The following GAPVD1 variants were observed in gnomAD, a reference collection of about 807,000 sequenced individuals.
The protein encoded by GAPVD1 is GTPase activating protein and VPS9 domains 1.
Under a neutral mutation model 155.5 loss-of-function variants are expected in GAPVD1, and 35 were observed. The observed-to-expected ratio is 0.23, with a 90% CI of 0.17 to 0.30. GAPVD1 has a LOEUF of 0.30. GAPVD1 is among the 10% of genes least tolerant of loss of function. The pLI, the probability that GAPVD1 is intolerant of heterozygous loss-of-function variation, is 1.00. For missense variants in GAPVD1, 1,429 were observed against 1,775.7 expected (o/e 0.80, Z 3.51); for synonymous variants, 636 against 619.7 (o/e 1.03, Z -0.39).
intron 2 of GAPVD1, among the ~76,000 whole-genome samples, chr9:125,269,259 G>A (rs763373462): frequency 6.6e-6 from 1 of 151,876 alleles, no homozygotes; most frequent in African/African-American, 2.4e-5. Context: ...GGACAGACTA[G>A]TACTTGAAAA....
intron 5 of GAPVD1, 103 bp from the exon 6 acceptor site, chr9:125,304,960 A>AAACAGATTTTTAG: frequency 1.4e-6 from 1 of 733,068 alleles, no homozygotes; most frequent in South Asian, 1.8e-5. Context: ...TAGTATTATG[A>AAACAGATTTTTAG]AACAGATTTT....
chr9:125,281,970 G>A (rs1205612182), intron 2 of GAPVD1, among the ~76,000 whole-genome samples: 1 of 151,910 alleles, frequency 6.6e-6, no homozygotes, highest in Non-Finnish European at 1.5e-5. Context: ...ATAGGCACCT[G>A]CCGCTACACC....
Position 125,261,888 on chromosome 9 carries a change from T to G in GAPVD1, c.-270T>G, listed in dbSNP as rs1049942544. 9 of 154,232 alleles carry G rather than the reference T, an allele frequency of 5.8e-5. No homozygotes were observed. The Admixed American group carries it at 5.9e-4, about 10-fold the overall frequency. The allele number at this position is 154,232 out of a possible 1,614,324, so 9.6% of individuals were successfully genotyped here. A position where few individuals can be genotyped will look rare whatever the true frequency, so the allele number is the denominator to read the frequency against. On this transcript the variant is annotated 5_prime_UTR_variant, in exon 1 of 28. Transcript: ENST00000297933. ...AGCGGCGGCGGGGGCAGTCACCGGC[T>G]AGGGCGACGGCTCCGAGGCCGAGTG...
chr9:125,335,267 A>T (rs767541417), intron 15 of GAPVD1: 6 of 688,124 alleles, frequency 8.7e-6, no homozygotes, highest in African/African-American at 1.8e-5. Context: ...GCTGTACATT[A>T]AAAATACTTG....
At chr9:125,292,083 A>G (rs746882024) in intron 2 of GAPVD1, among the ~76,000 whole-genome samples, 1 of 152,078 alleles carries the variant, frequency 6.6e-6, no homozygotes, top group Non-Finnish European at 1.5e-5. Flanking sequence ...ACAAAAAGCA[A>G]ATTTTAAAAA....
rs1319491560 is a variant in GAPVD1 at position 125,312,516 on chromosome 9, T to C, written c.1506T>C (p.Ser502=). 6.2e-7 allele frequency: 1 copy of C among 1,610,506 alleles called. No homozygotes were observed. Among genetic ancestry groups the C allele is most frequent in the Non-Finnish European group, 8.5e-7 (1 of 1,178,228 alleles). Residue 502 remains serine, a synonymous_variant, in exon 9 of 28, where the codon TCT becomes TCC. Coordinates refer to ENST00000297933, the MANE Select transcript of GAPVD1 (RefSeq NM_001282680.3). ...TACATATGGACCATGAAGGATCATC[T>C]CAAGAAACCATTCAGGAGGTGCAAC... ...MDLHMDHEGS[S]QETIQEVQPE... is the part of the protein sequence containing the mutation.
At chr9:125,348,611 T>G (rs1233342576) in intron 20 of GAPVD1, among the ~76,000 whole-genome samples, 1 of 152,032 alleles carries the variant, frequency 6.6e-6, no homozygotes, top group Non-Finnish European at 1.5e-5. Flanking sequence ...CTCCCGAGTT[T>G]AAGCAACTCT....
At chr9:125,274,369 G>GT (rs1195046313) in intron 2 of GAPVD1, among the ~76,000 whole-genome samples, 1 of 150,364 alleles carries the variant, frequency 6.7e-6, no homozygotes, top group Non-Finnish European at 1.5e-5. Context: ...AAAATGAAGG[G>GT]TTTTCTTTCT....
intron 2 of GAPVD1, among the ~76,000 whole-genome samples, chr9:125,280,323 G>A (rs1836560627): frequency 6.7e-6 from 1 of 148,612 alleles, no homozygotes. Flanking sequence ...TTGAACCCAG[G>A]AGGCGGAGGT....
At chr9:125,336,753 C>G (rs932405442) in intron 15 of GAPVD1, 1 of 404,630 alleles carries the variant, frequency 2.5e-6, no homozygotes, top group Admixed American at 4.2e-5. Flanking sequence ...TTTGCATGAA[C>G]CATACTAGCA....
intron 19 of GAPVD1, among the ~76,000 whole-genome samples, chr9:125,345,412 C>T (rs376715111): frequency 8.5e-5 from 13 of 152,100 alleles, no homozygotes; most frequent in Non-Finnish European, 1.5e-4. Context: ...AACTCCTGAC[C>T]GTGGGTGATC....
At chr9:125,323,400 G>A (rs2131565726) in intron 10 of GAPVD1, among the ~76,000 whole-genome samples, 1 of 152,260 alleles carries the variant, frequency 6.6e-6, no homozygotes, top group East Asian at 1.9e-4. Flanking sequence ...CTGCCTCCCG[G>A]GTTCACGCCA....
chr9:125,354,530 G>A, intron 23 of GAPVD1, 124 bp from the exon 24 acceptor site: 2 of 632,924 alleles, frequency 3.2e-6, no homozygotes, highest in Non-Finnish European at 2.8e-6. Flanking sequence ...AGAGAGCACA[G>A]ACATGCTACT....
intron 2 of GAPVD1, among the ~76,000 whole-genome samples, chr9:125,291,928 A>G (rs1356054805): frequency 1.3e-5 from 2 of 152,054 alleles, no homozygotes; most frequent in East Asian, 3.9e-4. Flanking sequence ...AGGAGGTGAG[A>G]TAGGAAGAGG....
At chr9:125,336,791 A>G in intron 15 of GAPVD1, 1 of 512,742 alleles carries the variant, frequency 2.0e-6, no homozygotes, top group Non-Finnish European at 3.5e-6. Flanking sequence ...ACAGGCATGT[A>G]GATGCCAGAC....
chr9:125,290,705 T>C (rs955357661), intron 2 of GAPVD1, among the ~76,000 whole-genome samples: 5 of 152,126 alleles, frequency 3.3e-5, no homozygotes, highest in Non-Finnish European at 5.9e-5. Flanking sequence ...GGGTTTGTGA[T>C]AATGGGGTTA....
chr9:125,349,566 C>T (rs1439212096), intron 21 of GAPVD1, 47 bp downstream of exon 21: 3 of 1,561,136 alleles, frequency 1.9e-6, no homozygotes, highest in Non-Finnish European at 2.6e-6. Context: ...GACTTTTCAG[C>T]ACCATTGCAG....
chr9:125,322,760 A>C (rs1296757601), intron 10 of GAPVD1, among the ~76,000 whole-genome samples: 1 of 151,984 alleles, frequency 6.6e-6, no homozygotes, highest in African/African-American at 2.4e-5. Flanking sequence ...TTTTGGACAT[A>C]ATAACTTCTG....
intron 2 of GAPVD1, among the ~76,000 whole-genome samples, chr9:125,270,265 C>T (rs1418037010): frequency 1.3e-5 from 2 of 150,964 alleles, no homozygotes; most frequent in Non-Finnish European, 3.0e-5. Context: ...CCCGTCTCTA[C>T]TAAAAATACA....
Sources: allele counts gnomAD v4.1 joint callset (sites outside exome capture counted in the v4.1 genomes callset), GRCh38; gene constraint gnomAD v4.1.1; transcripts MANE v1.5; gene names NCBI Gene and HGNC (gene_info 2026-07-23, HGNC 2026-07-21).